The following KALRN variants were observed in gnomAD, a reference collection of about 807,000 sequenced individuals.
KALRN encodes the protein kalirin RhoGEF kinase.
A neutral mutation model predicts 353.7 loss-of-function variants in KALRN; 70 were observed. That is an observed-to-expected ratio of 0.20 (90% CI 0.16 to 0.24). The LOEUF is 0.24. KALRN is among the 10% of genes least tolerant of loss of function. KALRN has a pLI of 1.00. For missense variants in KALRN, 2,791 were observed against 3,756.7 expected (o/e 0.74, Z 6.72); for synonymous variants, 1,391 against 1,434.8 (o/e 0.97, Z 0.69).
At chr3:124,504,711 A>C (rs1304511141) in intron 33 of KALRN, 1 of 389,804 alleles carries the variant, frequency 2.6e-6, no homozygotes, top group Non-Finnish European at 5.3e-6. Flanking sequence ...CTCTCAAGCA[A>C]ATTCTGGTTG....
chr3:124,230,065 A>G (rs1312206147), intron 2 of KALRN, among the ~76,000 whole-genome samples: 10 of 152,208 alleles, frequency 6.6e-5, no homozygotes, highest in Non-Finnish European at 1.5e-4. Context: ...CTTGTGCAGA[A>G]ATCCTAGAGG....
At chr3:124,586,624 G>A (rs978508006) in intron 34 of KALRN, among the ~76,000 whole-genome samples, 1 of 152,320 alleles carries the variant, frequency 6.6e-6, no homozygotes, top group South Asian at 2.1e-4. Context: ...GAGAGGAGGC[G>A]TGCGAGTGGC....
intron 1 of KALRN, chr3:124,163,480 G>A: frequency 2.5e-6 from 1 of 392,314 alleles, no homozygotes; most frequent in South Asian, 1.0e-4. Flanking sequence ...CAAGTAATGT[G>A]AAAGCAGTTT....
intron 21 of KALRN, among the ~76,000 whole-genome samples, chr3:124,448,950 T>C (rs1483971730): frequency 6.6e-6 from 1 of 152,202 alleles, no homozygotes; most frequent in Non-Finnish European, 1.5e-5. Flanking sequence ...TCTTCTACTT[T>C]GGCTGTCTAT....
intron 25 of KALRN, among the ~76,000 whole-genome samples, chr3:124,469,864 G>A (rs16835495): frequency 0.012 from 1,772 of 152,214 alleles, 34 homozygotes; most frequent in African/African-American, 0.038. Context: ...AAGATTGTGC[G>A]CTCCTTAATG....
intron 33 of KALRN, among the ~76,000 whole-genome samples, chr3:124,524,374 T>C (rs1180939089): frequency 6.6e-6 from 1 of 152,088 alleles, no homozygotes; most frequent in Admixed American, 6.5e-5. Context: ...AAAAGCATGG[T>C]AAACAGGGAG....
chr3:124,460,424 G>T (rs1219517110), intron 23 of KALRN, among the ~76,000 whole-genome samples: 1 of 152,192 alleles, frequency 6.6e-6, no homozygotes, highest in Non-Finnish European at 1.5e-5. Context: ...AGGTAAAACT[G>T]CAGGAAGCGG....
intron 53 of KALRN, 48 bp downstream of exon 53, chr3:124,694,551 C>T (rs1253221745): frequency 6.4e-7 from 1 of 1,571,350 alleles, no homozygotes; most frequent in Non-Finnish European, 8.7e-7. Flanking sequence ...TTGCTTGACA[C>T]AGCACTGAGA....
At chr3:124,055,961 C>A (rs572575067) in intron 1 of KALRN, among the ~76,000 whole-genome samples, 1 of 152,166 alleles carries the variant, frequency 6.6e-6, no homozygotes, top group South Asian at 2.1e-4. Context: ...CTTTGTTCTC[C>A]GGGAGTTTTC....
intron 10 of KALRN, among the ~76,000 whole-genome samples, chr3:124,349,090 G>T (rs2082581632): frequency 6.6e-6 from 1 of 152,208 alleles, no homozygotes; most frequent in African/African-American, 2.4e-5. Context: ...TCCATTGACG[G>T]ATGCATGGAT....
At chr3:124,491,003 G>A in intron 30 of KALRN, 119 bp downstream of exon 30, 1 of 877,944 alleles carries the variant, frequency 1.1e-6, no homozygotes, top group Non-Finnish European at 1.7e-6. Flanking sequence ...AACCATCCTG[G>A]ACAAATGAAA....
chr3:124,408,712 T>TG (rs2091853433), intron 13 of KALRN, among the ~76,000 whole-genome samples: 1 of 145,920 alleles, frequency 6.9e-6, no homozygotes, highest in Admixed American at 6.8e-5. Flanking sequence ...CCATAGGAAG[T>TG]GGGGAAAAAA....
At chr3:124,689,802 A>AG (rs1382208942) in intron 51 of KALRN, among the ~76,000 whole-genome samples, 1 of 152,212 alleles carries the variant, frequency 6.6e-6, no homozygotes, top group East Asian at 1.9e-4. Context: ...TAGCAAAAAA[A>AG]ATTTATGACT....
At chr3:124,073,780 C>T (rs564613786) in intron 1 of KALRN, among the ~76,000 whole-genome samples, 16 of 152,260 alleles carry the variant, frequency 1.1e-4, no homozygotes, top group Admixed American at 1.0e-3. Flanking sequence ...GTTCACTCAA[C>T]TCATAATTAG....
intron 10 of KALRN, among the ~76,000 whole-genome samples, chr3:124,378,731 A>C (rs778501430): frequency 6.6e-6 from 1 of 151,930 alleles, no homozygotes; most frequent in East Asian, 1.9e-4. Flanking sequence ...TACTTTAAAG[A>C]TGTTGCTCCA....
At chr3:124,270,170 C>T (rs1382531296) in intron 5 of KALRN, among the ~76,000 whole-genome samples, 1 of 152,150 alleles carries the variant, frequency 6.6e-6, no homozygotes, top group Admixed American at 6.5e-5. Context: ...GGCTCTCTTC[C>T]TATGAGTTTT....
chr3:124,546,453 G>A (rs907366325), intron 33 of KALRN, among the ~76,000 whole-genome samples: 4 of 152,054 alleles, frequency 2.6e-5, no homozygotes, highest in African/African-American at 9.7e-5. Context: ...GATAGAGTGA[G>A]ACCTTATGTC....
intron 34 of KALRN, among the ~76,000 whole-genome samples, chr3:124,582,018 ATTT>A (rs71625758): frequency 1.1e-4 from 15 of 136,128 alleles, no homozygotes; most frequent in African/African-American, 2.5e-4. Flanking sequence ...AACATGAGCT[ATTT>A]TTTTTTTTTT....
intron 5 of KALRN, among the ~76,000 whole-genome samples, chr3:124,284,874 C>T (rs2075684847): frequency 6.6e-6 from 1 of 152,190 alleles, no homozygotes; most frequent in Non-Finnish European, 1.5e-5. Flanking sequence ...TCAGTGCGAG[C>T]CCATCTTCAG....
Sources: gnomAD v4.1 joint callset for allele counts (sites outside exome capture counted in the v4.1 genomes callset) on GRCh38, gnomAD v4.1.1 for gene constraint, MANE v1.5 for transcripts, NCBI Gene and HGNC (gene_info 2026-07-23, HGNC 2026-07-21) for gene names.